STARD13: variants seen among roughly 807,000 people sequenced by gnomAD.
STARD13 encodes the protein stAR-related lipid transfer protein 13.
A neutral mutation model predicts 106.4 loss-of-function variants in STARD13; 62 were observed. That is an observed-to-expected ratio of 0.58 (90% CI 0.48 to 0.72). The LOEUF (loss-of-function observed/expected upper bound fraction) is 0.72, where lower values mean the gene tolerates loss of function less well. STARD13 is among the 30% of genes least tolerant of loss of function. The pLI, the probability that STARD13 is intolerant of heterozygous loss-of-function variation, is 0.00. For missense variants in STARD13, 1,387 were observed against 1,424.0 expected (o/e 0.97, Z 0.42); for synonymous variants, 565 against 553.0 (o/e 1.02, Z -0.31).
intron 1 of STARD13, chr13:33,275,618 A>G (rs1477388905): frequency 6.6e-6 from 1 of 152,232 alleles, no homozygotes; most frequent in African/African-American, 2.4e-5. Flanking sequence ...AGTGCTCTAA[A>G]TTAGAGTTAT....
chr13:33,388,338 GC>G, the STARD13 span, among the ~76,000 whole-genome samples: 4 of 152,182 alleles, frequency 2.6e-5, no homozygotes, highest in African/African-American at 9.6e-5. Context: ...CCTAGAAGAG[GC>G]CAGTTTGTGC....
intron 1 of STARD13, chr13:33,334,134 A>G (rs1412003820): frequency 6.6e-6 from 1 of 152,250 alleles, no homozygotes; most frequent in Non-Finnish European, 1.5e-5. Context: ...CATATAATCT[A>G]TCAACAATTC....
intron 1 of STARD13, among the ~76,000 whole-genome samples, chr13:33,201,121 T>A (rs996902157): frequency 6.6e-6 from 1 of 151,906 alleles, no homozygotes; most frequent in Non-Finnish European, 1.5e-5. Context: ...AAAGAAGCAA[T>A]GTGCTTCTCT....
chr13:33,523,313 A>G, the STARD13 span, among the ~76,000 whole-genome samples: 1 of 152,114 alleles, frequency 6.6e-6, no homozygotes, highest in Non-Finnish European at 1.5e-5. Flanking sequence ...TTGTTGATTT[A>G]CCTTAACCCT....
chr13:33,328,019 T>C (rs1373250834), intron 1 of STARD13, among the ~76,000 whole-genome samples: 2 of 152,224 alleles, frequency 1.3e-5, no homozygotes, highest in Non-Finnish European at 2.9e-5. Context: ...CTATGTATAT[T>C]TTTAAAGTCT....
At chr13:33,580,761 G>A in the STARD13 span, among the ~76,000 whole-genome samples, 1 of 152,154 alleles carries the variant, frequency 6.6e-6, no homozygotes, top group East Asian at 1.9e-4. Flanking sequence ...TTCAAGGCCA[G>A]GCTGGCAAAC....
chr13:33,261,027 T>G (rs1363390437), intron 1 of STARD13, among the ~76,000 whole-genome samples: 1 of 152,226 alleles, frequency 6.6e-6, no homozygotes, highest in Non-Finnish European at 1.5e-5. Context: ...TAGTCATCTC[T>G]CAATTTACAA....
chr13:33,669,829 C>T, the STARD13 span, among the ~76,000 whole-genome samples: 12 of 152,120 alleles, frequency 7.9e-5, no homozygotes, highest in African/African-American at 1.9e-4. Context: ...CCACCACACC[C>T]GGCCAGAAGA....
At chr13:33,205,320 A>G (rs1172408006) in intron 1 of STARD13, among the ~76,000 whole-genome samples, 1 of 152,236 alleles carries the variant, frequency 6.6e-6, no homozygotes, top group East Asian at 1.9e-4. Context: ...CAACACCAAT[A>G]ACATTATTTG....
intron 1 of STARD13, among the ~76,000 whole-genome samples, chr13:33,215,346 C>T (rs571763282): frequency 4.6e-5 from 7 of 152,276 alleles, no homozygotes; most frequent in African/African-American, 1.7e-4. Flanking sequence ...TTTACTTCTA[C>T]AAAACAAAGC....
chr13:33,528,637 A>C, the STARD13 span, among the ~76,000 whole-genome samples: 1 of 152,028 alleles, frequency 6.6e-6, no homozygotes, highest in Non-Finnish European at 1.5e-5. Flanking sequence ...ATCTTCCTAT[A>C]ACAGACGAAT....
At chr13:33,121,396 G>A (rs79589730) in intron 7 of STARD13, among the ~76,000 whole-genome samples, 9,756 of 151,774 alleles carry the variant, frequency 0.064, 385 homozygotes, top group South Asian at 0.12. Context: ...GCAAAACCTC[G>A]TCTCTACTAA....
chr13:33,349,125 G>T (rs2078045244), exon 2 of STARD13: 2 of 702,336 alleles, frequency 2.8e-6, no homozygotes, highest in East Asian at 5.4e-5. Context: ...TTCACCAGTG[G>T]TGTCCTTTCC....
intron 2 of STARD13, among the ~76,000 whole-genome samples, chr13:33,165,828 T>C (rs1326599543): frequency 6.6e-6 from 1 of 152,212 alleles, no homozygotes; most frequent in Non-Finnish European, 1.5e-5. Context: ...AAAAGGAAAT[T>C]TCCAAAAATA....
chr13:33,440,723 A>T, the STARD13 span, among the ~76,000 whole-genome samples: 1 of 139,870 alleles, frequency 7.1e-6, no homozygotes, highest in Non-Finnish European at 1.5e-5. Flanking sequence ...TCAGGTTTAG[A>T]TCTCCAACTT....
At chr13:33,546,509 C>G in the STARD13 span, among the ~76,000 whole-genome samples, 1 of 152,146 alleles carries the variant, frequency 6.6e-6, no homozygotes, top group Non-Finnish European at 1.5e-5. Context: ...TGGTTTGCCA[C>G]ATTTTAAATC....
At chr13:33,461,048 G>A in the STARD13 span, among the ~76,000 whole-genome samples, 7 of 152,218 alleles carry the variant, frequency 4.6e-5, no homozygotes, top group Admixed American at 2.6e-4. Flanking sequence ...CTAGTGTTCC[G>A]TGACAGAAAG....
At chr13:33,167,074 C>T (rs1171325081) in intron 2 of STARD13, among the ~76,000 whole-genome samples, 1 of 151,434 alleles carries the variant, frequency 6.6e-6, no homozygotes, top group Non-Finnish European at 1.5e-5. Context: ...ACCTAAAACT[C>T]GGAAGAATAA....
chr13:33,670,433 T>C, the STARD13 span, among the ~76,000 whole-genome samples: 2 of 152,214 alleles, frequency 1.3e-5, no homozygotes, highest in Admixed American at 6.5e-5. Context: ...GAATTTACTA[T>C]CAACTAAAAT....
Sources: gnomAD v4.1 joint callset for allele counts (sites outside exome capture counted in the v4.1 genomes callset) on GRCh38, gnomAD v4.1.1 for gene constraint, MANE v1.5 for transcripts, NCBI Gene and HGNC (gene_info 2026-07-23, HGNC 2026-07-21) for gene names.